Variants in EPHA5 observed in about 807,000 individuals in gnomAD.
EPHA5 encodes ephrin type-A receptor 5.
A neutral mutation model predicts 105.0 loss-of-function variants in EPHA5; 60 were observed. The ratio of observed to expected loss-of-function variants is 0.57; its 90% CI spans 0.46 to 0.71. The LOEUF (loss-of-function observed/expected upper bound fraction) is 0.71, where lower values mean the gene tolerates loss of function less well. EPHA5 is among the 30% of genes least tolerant of loss of function. EPHA5 has a pLI of 0.00. For missense variants in EPHA5, 1,218 were observed against 1,274.7 expected (o/e 0.96, Z 0.68); for synonymous variants, 513 against 449.1 (o/e 1.14, Z -1.80).
intron 5 of EPHA5, among the ~76,000 whole-genome samples, chr4:65,425,656 T>G (rs1578089053): frequency 6.6e-6 from 1 of 152,010 alleles, no homozygotes; most frequent in African/African-American, 2.4e-5. Context: ...ATGCTTCTTT[T>G]ATAAAAAATC....
At chr4:65,664,538 A>T (rs949586244) in intron 1 of EPHA5, among the ~76,000 whole-genome samples, 5 of 151,968 alleles carry the variant, frequency 3.3e-5, no homozygotes, top group African/African-American at 1.2e-4. Flanking sequence ...AGGATAGAAC[A>T]TATGATAAAT....
rs1354280886 is a variant in EPHA5, at chr4:65,404,436, A to G, written c.1731T>C (p.Ala577=). ...AAATGACTCCCACTGTCACAGACAC[A>G]GCAATTACAGGAATCTGGCTTTGAT... The part of the protein sequence containing the change: ...SSDQSQIPVI[A]VSVTVGVILL... Residue 577 remains alanine, a synonymous_variant, in exon 8 of 17, where the codon GCT becomes GCC. Coordinates refer to ENST00000613740, the MANE Select transcript of EPHA5 (RefSeq NM_001281766.3). 6.2e-7 allele frequency: 1 copy of G among 1,613,816 alleles called. No individual in the cohort carries two copies. Among genetic ancestry groups the G allele is most frequent in the Admixed American group, 1.7e-5 (1 of 59,972 alleles).
intron 8 of EPHA5, among the ~76,000 whole-genome samples, chr4:65,399,199 G>C (rs543189246): frequency 1.3e-5 from 2 of 152,274 alleles, no homozygotes. Context: ...CACAGTGAAA[G>C]CTACTTGCAA....
At chr4:65,431,792 C>T (rs1725004213) in intron 5 of EPHA5, among the ~76,000 whole-genome samples, 2 of 152,036 alleles carry the variant, frequency 1.3e-5, no homozygotes, top group Non-Finnish European at 2.9e-5. Flanking sequence ...AATCCATGTA[C>T]CTGCATTCCA....
chr4:65,566,314 G>C (rs1041038206), intron 3 of EPHA5, among the ~76,000 whole-genome samples: 2 of 151,702 alleles, frequency 1.3e-5, no homozygotes, highest in African/African-American at 4.8e-5. Flanking sequence ...GATGTGTATA[G>C]ATATTTTGTA....
chr4:65,631,773 A>G (rs1400359210), intron 2 of EPHA5, among the ~76,000 whole-genome samples: 1 of 151,780 alleles, frequency 6.6e-6, no homozygotes, highest in Non-Finnish European at 1.5e-5. Flanking sequence ...TAATAAGACT[A>G]TATTATGGAT....
chr4:65,405,195 G>T (rs896215), intron 7 of EPHA5, among the ~76,000 whole-genome samples: 10,644 of 152,010 alleles, frequency 0.07, 584 homozygotes, highest in African/African-American at 0.15. Context: ...CATTATAAGA[G>T]GAATATGAAC....
At chr4:65,420,147 G>A (rs547477128) in intron 6 of EPHA5, among the ~76,000 whole-genome samples, 1 of 152,198 alleles carries the variant, frequency 6.6e-6, no homozygotes, top group South Asian at 2.1e-4. Flanking sequence ...TATAGCTTAA[G>A]TATTTGTAAC....
At chr4:65,334,301 T>C (rs949988495) in intron 15 of EPHA5, among the ~76,000 whole-genome samples, 1 of 151,992 alleles carries the variant, frequency 6.6e-6, no homozygotes, top group African/African-American at 2.4e-5. Context: ...TATGTTATAG[T>C]GATTTTTAGC....
intron 8 of EPHA5, among the ~76,000 whole-genome samples, chr4:65,373,317 C>G (rs17086139): frequency 0.11 from 17,217 of 151,844 alleles, 1,088 homozygotes; most frequent in African/African-American, 0.16. Context: ...TACCACAAAG[C>G]ACTTTAAATG....
At chr4:65,437,594 A>T (rs1368356288) in intron 5 of EPHA5, among the ~76,000 whole-genome samples, 3 of 151,978 alleles carry the variant, frequency 2.0e-5, no homozygotes, top group Admixed American at 2.0e-4. Flanking sequence ...TTCTGATGCA[A>T]AGTTACCAAT....
chr4:65,394,974 C>G (rs573627686), intron 8 of EPHA5, among the ~76,000 whole-genome samples: 4 of 152,246 alleles, frequency 2.6e-5, no homozygotes, highest in East Asian at 1.9e-4. Context: ...GCTTTGATAT[C>G]AGATGTAGTC....
At chr4:65,636,929 T>C (rs1465841564) in intron 2 of EPHA5, among the ~76,000 whole-genome samples, 3 of 152,228 alleles carry the variant, frequency 2.0e-5, no homozygotes, top group Non-Finnish European at 2.9e-5. Context: ...GGAAATACAC[T>C]AGGAGCCTGA....
chr4:65,521,894 G>T (rs1256537455), intron 3 of EPHA5, among the ~76,000 whole-genome samples: 1 of 151,974 alleles, frequency 6.6e-6, no homozygotes, highest in Non-Finnish European at 1.5e-5. Context: ...CAGCTGTTCG[G>T]CCCACTGTCT....
chr4:65,617,670 C>A (rs1745361364), intron 2 of EPHA5, among the ~76,000 whole-genome samples: 1 of 152,000 alleles, frequency 6.6e-6, no homozygotes, highest in Non-Finnish European at 1.5e-5. Flanking sequence ...ATAATAACTG[C>A]CACTAGAAGA....
chr4:65,601,813 GGT>G lies in EPHA5; in HGVS notation c.736_737del (p.Thr246HisfsTer5). 6.2e-7 allele frequency: 1 copy of G among 1,614,104 alleles called. No individual in the cohort carries two copies. Among genetic ancestry groups the G allele is most frequent in the East Asian group, 2.2e-5 (1 of 44,864 alleles). Reference sequence around the variant, plus strand: ...ATTGGGAAGAATCAGCTCCAGTGATGGTGTCAGGGAAGACAGCCAAGTGTCGT... The same window carrying G: ...ATTGGGAAGAATCAGCTCCAGTGATGGTCAGGGAAGACAGCCAAGTGTCGT... ...VVRHLAVFPD[T>X]ITGADSSQLL... On this transcript the variant is annotated frameshift_variant, in exon 3 of 17. Transcript: ENST00000613740. LOFTEE classifies it high-confidence loss of function.
chr4:65,335,200 TAAC>T (rs987020911), intron 15 of EPHA5, among the ~76,000 whole-genome samples: 36 of 152,094 alleles, frequency 2.4e-4, no homozygotes, highest in African/African-American at 8.4e-4. Context: ...ATAGTGAAAA[TAAC>T]AATCTGGTAA....
At chr4:65,505,985 T>G (rs1370023682) in intron 3 of EPHA5, among the ~76,000 whole-genome samples, 1 of 152,152 alleles carries the variant, frequency 6.6e-6, no homozygotes, top group Admixed American at 6.6e-5. Flanking sequence ...TATCTCCGAA[T>G]GCTATCCCTC....
intron 3 of EPHA5, among the ~76,000 whole-genome samples, chr4:65,562,117 T>A (rs531407943): frequency 2.2e-4 from 34 of 152,202 alleles, no homozygotes; most frequent in African/African-American, 7.9e-4. Context: ...TCACTGGCCA[T>A]CATGTTCTGA....
Sources: allele counts gnomAD v4.1 joint callset (sites outside exome capture counted in the v4.1 genomes callset), GRCh38; gene constraint gnomAD v4.1.1; transcripts MANE v1.5; gene names NCBI Gene and HGNC (gene_info 2026-07-23, HGNC 2026-07-21).